The following MLLT10 variants were observed in gnomAD, a reference collection of about 807,000 sequenced individuals.
The protein encoded by MLLT10 is MLLT10 histone lysine methyltransferase DOT1L cofactor.
A neutral mutation model predicts 129.1 loss-of-function variants in MLLT10; 30 were observed. That is an observed-to-expected ratio of 0.23 (90% CI 0.17 to 0.32). The LOEUF is 0.32. MLLT10 is among the 10% of genes least tolerant of loss of function. MLLT10 has a pLI of 1.00. For missense variants in MLLT10, 1,119 were observed against 1,268.3 expected (o/e 0.88, Z 1.79); for synonymous variants, 490 against 446.4 (o/e 1.10, Z -1.23).
intron 3 of MLLT10, among the ~76,000 whole-genome samples, chr10:21,553,841 G>T (rs1420474475): frequency 6.6e-6 from 1 of 151,970 alleles, no homozygotes; most frequent in Admixed American, 6.6e-5. Context: ...GTAGAGATGA[G>T]GTTTCACCAT....
intron 8 of MLLT10, among the ~76,000 whole-genome samples, chr10:21,636,478 GTA>G (rs2047472393): frequency 6.6e-6 from 1 of 151,774 alleles, no homozygotes; most frequent in Non-Finnish European, 1.5e-5. Flanking sequence ...CTTTATATAT[GTA>G]TATGTCTTAT....
At chr10:21,551,289 CTT>C (rs11461905) in intron 3 of MLLT10, among the ~76,000 whole-genome samples, 36 of 91,954 alleles carry the variant, frequency 3.9e-4, no homozygotes, top group African/African-American at 1.0e-3. Flanking sequence ...CGGATTGTAC[CTT>C]TTTTTTTTTT....
intron 8 of MLLT10, 37 bp downstream of exon 8, chr10:21,617,244 C>A: frequency 1.7e-6 from 2 of 1,207,992 alleles, no homozygotes; most frequent in South Asian, 2.1e-5. Context: ...TGTAGCACAT[C>A]TACTTAATAG....
intron 3 of MLLT10, among the ~76,000 whole-genome samples, chr10:21,583,826 C>T (rs1450103789): frequency 6.6e-6 from 1 of 152,172 alleles, no homozygotes; most frequent in African/African-American, 2.4e-5. Context: ...TACATTTTTA[C>T]ATGAGATTTG....
At chr10:21,738,331 C>T (rs1016141468) in intron 21 of MLLT10, 3 of 1,116,796 alleles carry the variant, frequency 2.7e-6, no homozygotes, top group East Asian at 1.2e-4. Context: ...CCAGTTGCCT[C>T]ATCTTAATAT....
At chr10:21,681,279 C>A in intron 11 of MLLT10, 53 bp from the exon 12 acceptor site, 1 of 1,607,828 alleles carries the variant, frequency 6.2e-7, no homozygotes, top group Non-Finnish European at 8.5e-7. Flanking sequence ...TTTTTTTACC[C>A]TTGAGTCACT....
intron 10 of MLLT10, chr10:21,671,011 T>C (rs1455914878): frequency 8.1e-6 from 2 of 248,424 alleles, no homozygotes; most frequent in Non-Finnish European, 1.6e-5. Context: ...GAGCTTTGCT[T>C]TGAGTTCTGT....
At chr10:21,680,352 C>T (rs1415175949) in intron 11 of MLLT10, among the ~76,000 whole-genome samples, 2 of 151,824 alleles carry the variant, frequency 1.3e-5, no homozygotes, top group South Asian at 2.1e-4. Context: ...ATTACAGGCA[C>T]GTGCCACCAT....
intron 21 of MLLT10, among the ~76,000 whole-genome samples, chr10:21,737,338 A>AGCAGAGGAAGGGGAAGCAGGAG (rs2058456102): frequency 6.6e-6 from 1 of 152,192 alleles, no homozygotes; most frequent in South Asian, 2.1e-4. Context: ...CACTTTGGAA[A>AGCAGAGGAAGGGGAAGCAGGAG]GCAGAGGAAG....
chr10:21,690,967 G>A (rs1435547517), intron 13 of MLLT10, among the ~76,000 whole-genome samples: 2 of 152,090 alleles, frequency 1.3e-5, no homozygotes, highest in Admixed American at 6.6e-5. Flanking sequence ...TGAAGGTAGG[G>A]AAGAATGTCA....
In MLLT10 at chr10:21,743,055, G is replaced by GAAAC. The variant is rs2131605163; in HGVS notation, c.*1074_*1077dup. ...TTAAAAGCTCACCACTAGAGTTCCTGAAACAGGTGAAACCTGTATGACAGC... is the reference window on the plus strand; with the variant it reads ...TTAAAAGCTCACCACTAGAGTTCCTGAAACAAACAGGTGAAACCTGTATGACAGC... On this transcript the variant is annotated 3_prime_UTR_variant, in exon 23 of 23. Transcript: ENST00000307729. The GAAAC allele has an allele frequency of 4.3e-6, 1 of 230,472 alleles. No homozygotes were observed. Among genetic ancestry groups the GAAAC allele is most frequent in the Non-Finnish European group, 8.6e-6 (1 of 116,300 alleles). The allele number at this position is 230,472 out of a possible 1,614,324, so 14.3% of individuals were successfully genotyped here.
At chr10:21,696,586 T>G (rs1293870672) in intron 13 of MLLT10, among the ~76,000 whole-genome samples, 3 of 152,222 alleles carry the variant, frequency 2.0e-5, no homozygotes, top group African/African-American at 7.2e-5. Flanking sequence ...TAGGAACTTC[T>G]GTTGGAAACA....
At chr10:21,701,877 C>A (rs1166889713) in intron 13 of MLLT10, among the ~76,000 whole-genome samples, 8 of 152,038 alleles carry the variant, frequency 5.3e-5, no homozygotes, top group Non-Finnish European at 1.5e-5. Context: ...GCGTGAGCCA[C>A]CGCACCTGGT....
intron 2 of MLLT10, among the ~76,000 whole-genome samples, chr10:21,538,301 T>A (rs1385438963): frequency 6.6e-6 from 1 of 151,948 alleles, no homozygotes; most frequent in Middle Eastern, 3.2e-3. Flanking sequence ...AGTAGTAGGA[T>A]TACAGGCATG....
chr10:21,631,793 C>A (rs188972287), intron 8 of MLLT10, among the ~76,000 whole-genome samples: 189 of 151,464 alleles, frequency 1.2e-3, no homozygotes, highest in African/African-American at 4.0e-3. Context: ...CCATCAGGTT[C>A]CCCCCCCAAC....
Position 21,742,297 on chromosome 10 carries a change from T to G in MLLT10, c.*314T>G. 3.4e-6 allele frequency: 1 copy of G among 296,120 alleles called. No homozygotes were observed. The highest frequency in any genetic ancestry group is 6.2e-6 in the Non-Finnish European group (1 of 160,488). The allele number at this position is 296,120 out of a possible 1,614,324, so 18.3% of individuals were successfully genotyped here. ...CAACTCAAGAATTTAATATAGTTGG[T>G]ACACAACTAGTTTTGTTTATAAATT... On this transcript the variant is annotated 3_prime_UTR_variant, in exon 23 of 23. Transcript: ENST00000307729.
At chr10:21,687,954 T>C (rs984801993) in intron 13 of MLLT10, among the ~76,000 whole-genome samples, 1 of 152,220 alleles carries the variant, frequency 6.6e-6, no homozygotes, top group African/African-American at 2.4e-5. Context: ...GTATAAGACA[T>C]GTACTTATAG....
intron 13 of MLLT10, among the ~76,000 whole-genome samples, chr10:21,713,331 G>A (rs889352014): frequency 1.3e-5 from 2 of 152,104 alleles, no homozygotes; most frequent in East Asian, 1.9e-4. Flanking sequence ...CTACCTTGTC[G>A]GCTTTCTAGA....
chr10:21,664,944 C>CTTTTTTT (rs146373535), intron 9 of MLLT10, among the ~76,000 whole-genome samples: 23 of 119,386 alleles, frequency 1.9e-4, no homozygotes, highest in Non-Finnish European at 2.7e-4. Context: ...TTTTTCTTTT[C>CTTTTTTT]TTTTTTTTTT....
Sources: gnomAD v4.1 joint callset for allele counts (sites outside exome capture counted in the v4.1 genomes callset) on GRCh38, gnomAD v4.1.1 for gene constraint, MANE v1.5 for transcripts, NCBI Gene and HGNC (gene_info 2026-07-23, HGNC 2026-07-21) for gene names.